The following LARGE1 variants were observed in gnomAD, a reference collection of about 807,000 sequenced individuals.
LARGE1 encodes the protein xylosyl- and glucuronyltransferase LARGE1.
Under a neutral mutation model 87.6 loss-of-function variants are expected in LARGE1, and 43 were observed. The observed-to-expected ratio is 0.49, with a 90% CI of 0.38 to 0.63. The LOEUF (loss-of-function observed/expected upper bound fraction) is 0.63, where lower values mean the gene tolerates loss of function less well. Among genes scored for constraint, LARGE1 ranks in the 30% least tolerant of loss-of-function variants. The probability of loss-of-function intolerance (pLI) is 0.00; values close to 1 mark genes in which losing one functional copy is unlikely to be tolerated. For synonymous variants in LARGE1, 434 were observed against 394.6 expected, an observed-to-expected ratio of 1.10 and a Z score of -1.18; for missense variants, 802 against 1,000.2, an observed-to-expected ratio of 0.80 and a Z score of 2.67.
At chr22:33,203,140 A>G (rs909524322) in intron 11 of LARGE1, among the ~76,000 whole-genome samples, 1 of 146,544 alleles carries the variant, frequency 6.8e-6, no homozygotes, top group Non-Finnish European at 1.5e-5. Context: ...AGAGAATGAG[A>G]GAGAAAGAGA....
intron 2 of LARGE1, among the ~76,000 whole-genome samples, chr22:33,653,052 C>A (rs2080865998): frequency 6.6e-6 from 1 of 152,154 alleles, no homozygotes; most frequent in African/African-American, 2.4e-5. Flanking sequence ...CTGTTTGGTA[C>A]AACTGAGAAT....
intron 2 of LARGE1, chr22:33,725,537 C>T (rs62225402): frequency 0.049 from 7,470 of 151,638 alleles, 294 homozygotes; most frequent in East Asian, 0.22. Flanking sequence ...GGGAGGACCA[C>T]GAACCCAAAG....
At chr22:33,269,580 C>T (rs1928134688), downstream of LARGE1, among the ~76,000 whole-genome samples, 1 of 152,212 alleles carries the variant, frequency 6.6e-6, no homozygotes, top group South Asian at 2.1e-4. Context: ...GCTTTGCTCT[C>T]AGTGAGCCCT....
intron 2 of LARGE1, among the ~76,000 whole-genome samples, chr22:33,684,486 A>G (rs772515035): frequency 6.6e-6 from 1 of 151,900 alleles, no homozygotes; most frequent in Non-Finnish European, 1.5e-5. Context: ...CTTTCCTTTG[A>G]GAATGAATCT....
intron 6 of LARGE1, among the ~76,000 whole-genome samples, chr22:33,496,664 C>A (rs1028964361): frequency 3.3e-5 from 5 of 152,240 alleles, no homozygotes; most frequent in Admixed American, 6.5e-5. Context: ...AAACACTCTT[C>A]TTTTCCGGCC....
chr22:33,872,972 C>G (rs1238081018), intron 1 of LARGE1: 1 of 151,458 alleles, frequency 6.6e-6, no homozygotes, highest in Non-Finnish European at 1.5e-5. Context: ...TGCACTCCAG[C>G]TTGGGTGCCA....
intron 5 of LARGE1, among the ~76,000 whole-genome samples, chr22:33,570,878 C>T (rs148777642): frequency 6.6e-6 from 1 of 152,092 alleles, no homozygotes; most frequent in African/African-American, 2.4e-5. Context: ...GAACTTCTTA[C>T]ATCATGGGGT....
chr22:33,105,463 G>A, the LARGE1 span: 1 of 152,380 alleles, frequency 6.6e-6, no homozygotes, highest in East Asian at 1.9e-4. Context: ...CAGGCTGACA[G>A]CCCAATTCTG....
intron 11 of LARGE1, among the ~76,000 whole-genome samples, chr22:33,192,645 C>A (rs1163778450): frequency 6.6e-6 from 1 of 152,122 alleles, no homozygotes; most frequent in Non-Finnish European, 1.5e-5. Flanking sequence ...TAATTATTTC[C>A]TTTACTATGC....
chr22:33,623,137 CTT>C (rs766787763), intron 4 of LARGE1, among the ~76,000 whole-genome samples: 97 of 132,408 alleles, frequency 7.3e-4, no homozygotes, highest in Non-Finnish European at 7.4e-4. Context: ...AGAAAGTGGG[CTT>C]TTTTTTTTTT....
chr22:33,392,208 T>C (rs2065555078), intron 7 of LARGE1, among the ~76,000 whole-genome samples: 1 of 151,080 alleles, frequency 6.6e-6, no homozygotes, highest in African/African-American at 2.4e-5. Flanking sequence ...AAAACTGCAG[T>C]GGACTTGGAA....
chr22:33,681,703 T>A (rs1371543010), intron 2 of LARGE1, among the ~76,000 whole-genome samples: 1 of 152,256 alleles, frequency 6.6e-6, no homozygotes, highest in African/African-American at 2.4e-5. Flanking sequence ...TTTCTCTTTA[T>A]CAATGCTACG....
chr22:33,916,124 T>C (rs1188079693), intron 1 of LARGE1, among the ~76,000 whole-genome samples: 6 of 151,824 alleles, frequency 4.0e-5, no homozygotes, highest in Non-Finnish European at 7.4e-5. Flanking sequence ...CTACTAAAAA[T>C]ACAAAAATTA....
At chr22:33,410,416 AAT>A (rs1327191539) in intron 7 of LARGE1, among the ~76,000 whole-genome samples, 3 of 151,874 alleles carry the variant, frequency 2.0e-5, no homozygotes, top group African/African-American at 7.3e-5. Context: ...GAGGTGACTG[AAT>A]CATGGGGGCG....
intron 1 of LARGE1, among the ~76,000 whole-genome samples, chr22:33,915,293 CTCTT>C (rs2065754552): frequency 1.3e-5 from 2 of 152,306 alleles, no homozygotes; most frequent in South Asian, 2.1e-4. Context: ...ATATTCAAAA[CTCTT>C]TCTTTTCTAA....
chr22:33,721,381 T>G (rs2083092016), intron 2 of LARGE1, among the ~76,000 whole-genome samples: 1 of 152,120 alleles, frequency 6.6e-6, no homozygotes, highest in Non-Finnish European at 1.5e-5. Flanking sequence ...GACGATTAGG[T>G]GAGAATTTGA....
the LARGE1 span, among the ~76,000 whole-genome samples, chr22:33,127,051 T>C: frequency 2.0e-5 from 3 of 152,234 alleles, no homozygotes; most frequent in South Asian, 4.1e-4. Flanking sequence ...GTCCTGAAGC[T>C]GCTTGTGTCT....
At chr22:33,788,781 A>G (rs1024569993) in intron 1 of LARGE1, among the ~76,000 whole-genome samples, 1 of 152,238 alleles carries the variant, frequency 6.6e-6, no homozygotes, top group African/African-American at 2.4e-5. Context: ...GGCATCTGGC[A>G]GAAGAAATTT....
intron 1 of LARGE1, among the ~76,000 whole-genome samples, chr22:33,775,489 G>C (rs1202685007): frequency 7.7e-6 from 1 of 130,622 alleles, no homozygotes; most frequent in African/African-American, 3.0e-5. Flanking sequence ...CTCTAAGTCA[G>C]TGGTTCTCAA....
Sources: gnomAD v4.1 joint callset for allele counts (sites outside exome capture counted in the v4.1 genomes callset) on GRCh38, gnomAD v4.1.1 for gene constraint, MANE v1.5 for transcripts, NCBI Gene and HGNC (gene_info 2026-07-23, HGNC 2026-07-21) for gene names.